Variants in SMAD3 observed in about 807,000 individuals in gnomAD.
SMAD3 encodes SMAD family member 3.
SMAD3 carries 12 observed loss-of-function variants against 51.8 expected under a neutral mutation model. That is an observed-to-expected ratio of 0.23 (90% CI 0.15 to 0.38). The LOEUF (loss-of-function observed/expected upper bound fraction) is 0.38. Ranked by LOEUF, SMAD3 falls within the 10% of genes least tolerant of loss-of-function variation. The pLI is 1.00. For synonymous variants in SMAD3, 238 were observed against 227.7 expected, an observed-to-expected ratio of 1.05 and a Z score of -0.41; for missense variants, 294 against 565.6, an observed-to-expected ratio of 0.52 and a Z score of 4.87.
intron 1 of SMAD3, among the ~76,000 whole-genome samples, chr15:67,084,879 A>G (rs1368877437): frequency 2.6e-4 from 39 of 152,360 alleles, no homozygotes; most frequent in Admixed American, 2.3e-3. Flanking sequence ...GAAACCAACA[A>G]TCAGCTCTCT....
chr15:67,129,938 T>G (rs1473448830), intron 1 of SMAD3, among the ~76,000 whole-genome samples: 1 of 152,224 alleles, frequency 6.6e-6, no homozygotes, highest in Non-Finnish European at 1.5e-5. Flanking sequence ...GCTACAGGAT[T>G]TCTTCGTTAG....
intron 1 of SMAD3, chr15:67,142,854 T>C (rs1230997517): frequency 6.6e-6 from 3 of 454,934 alleles, no homozygotes; most frequent in East Asian, 1.4e-4. Flanking sequence ...CATGTAGAGC[T>C]GGAACACAGG....
chr15:67,066,422 C>T (rs1011047487), intron 1 of SMAD3, 62 bp downstream of exon 1: 1 of 1,370,318 alleles, frequency 7.3e-7, no homozygotes, highest in Non-Finnish European at 1.0e-6. Flanking sequence ...CACTGCGGGG[C>T]CGACCCAGTG....
At chr15:67,144,639 A>G (rs1357038446) in intron 1 of SMAD3, among the ~76,000 whole-genome samples, 2 of 152,194 alleles carry the variant, frequency 1.3e-5, no homozygotes, top group African/African-American at 4.8e-5. Context: ...TGATGTGTTC[A>G]GGAGGGCCTA....
chr15:67,122,708 A>G (rs1194038057), intron 1 of SMAD3, among the ~76,000 whole-genome samples: 3 of 152,080 alleles, frequency 2.0e-5, no homozygotes, highest in Admixed American at 6.6e-5. Context: ...TCACAGAGCA[A>G]TGATGTTCCC....
chr15:67,125,414 C>G (rs1961361040), intron 1 of SMAD3, among the ~76,000 whole-genome samples: 1 of 152,202 alleles, frequency 6.6e-6, no homozygotes, highest in African/African-American at 2.4e-5. Flanking sequence ...TTCTCCAGTC[C>G]CAGTGAATGC....
Position 67,066,080 on chromosome 15 carries a change from C to G in SMAD3, c.-75C>G, listed in dbSNP as rs1959906362. 3.4e-6 allele frequency: 4 copies of G among 1,182,492 alleles called. No homozygotes were observed. Among genetic ancestry groups the G allele is most frequent in the Non-Finnish European group, 4.7e-6 (4 of 842,290 alleles). The allele number at this position is 1,182,492 out of a possible 1,614,324, so 73.2% of individuals were successfully genotyped here. A position where few individuals can be genotyped will look rare whatever the true frequency, so the allele number is the denominator to read the frequency against. On this transcript the variant is annotated 5_prime_UTR_variant, in exon 1 of 9. Transcript: ENST00000327367. ...CGCGGCAGGCCCCGGCCGAGCTCCC[C>G]TCTGCGCCCCCGGCGTCCCGTCGAG...
At chr15:67,080,990 G>A (rs916917732) in intron 1 of SMAD3, among the ~76,000 whole-genome samples, 1 of 152,198 alleles carries the variant, frequency 6.6e-6, no homozygotes, top group African/African-American at 2.4e-5. Flanking sequence ...AGGCCATGTC[G>A]GGTGAGCTCC....
At chr15:67,119,666 T>C (rs916884282) in intron 1 of SMAD3, among the ~76,000 whole-genome samples, 1 of 152,222 alleles carries the variant, frequency 6.6e-6, no homozygotes, top group African/African-American at 2.4e-5. Context: ...TGAATTATTT[T>C]GTAAGAAGCT....
chr15:67,187,605 C>G (rs1413196279), intron 8 of SMAD3, 96 bp downstream of exon 8: 6 of 1,487,076 alleles, frequency 4.0e-6, no homozygotes, highest in Non-Finnish European at 5.6e-6. Context: ...CTAGGCCAGC[C>G]CTAGCGTCAA....
intron 5 of SMAD3, among the ~76,000 whole-genome samples, chr15:67,179,354 T>C (rs1962990337): frequency 6.6e-6 from 1 of 152,180 alleles, no homozygotes; most frequent in African/African-American, 2.4e-5. Context: ...TGTATACTAC[T>C]AGCACCTAGT....
chr15:67,090,385 G>A (rs1960485167), intron 1 of SMAD3, among the ~76,000 whole-genome samples: 3 of 152,218 alleles, frequency 2.0e-5, no homozygotes, highest in Non-Finnish European at 2.9e-5. Context: ...CTGTGAAAGA[G>A]TCCCCTGCCA....
At chr15:67,112,063 C>G (rs992501456) in intron 1 of SMAD3, among the ~76,000 whole-genome samples, 2 of 151,650 alleles carry the variant, frequency 1.3e-5, no homozygotes, top group African/African-American at 4.8e-5. Context: ...GTTGGGATTA[C>G]GGGCATAGCC....
At chr15:67,092,423 T>A (rs1960526505) in intron 1 of SMAD3, among the ~76,000 whole-genome samples, 1 of 152,240 alleles carries the variant, frequency 6.6e-6, no homozygotes, top group South Asian at 2.1e-4. Context: ...GTTCTCAAAG[T>A]GTGGCCCTGG....
intron 1 of SMAD3, among the ~76,000 whole-genome samples, chr15:67,119,527 A>T (rs1239747541): frequency 6.6e-6 from 1 of 152,160 alleles, no homozygotes; most frequent in East Asian, 1.9e-4. Flanking sequence ...GAGCGCATGG[A>T]GTGCTTTCAG....
At position 67,093,218 on chromosome 15, in the gene SMAD3, C is replaced by A. The variant is rs549193644; in HGVS notation, c.206+26858C>A. On this transcript the variant is annotated intron_variant, in intron 1 of 8. Transcript: ENST00000327367. ...GTGTATTCCGGGGCATATCCTTAAC[C>A]TCTCTGAGATGTACTTTTCTTATCT... is the stretch of plus-strand genomic sequence containing the variant. Among the ~76,000 whole-genome samples the A allele has an allele frequency of 1.3e-4, 20 of 152,330 alleles. No homozygotes were observed. In the East Asian group the frequency reaches 3.9e-3, roughly 29 times the overall value.
chr15:67,146,414 G>A (rs536992855), intron 1 of SMAD3, among the ~76,000 whole-genome samples: 2 of 152,330 alleles, frequency 1.3e-5, no homozygotes, highest in Admixed American at 1.3e-4. Context: ...GACTTTGAAG[G>A]TTATAGACCC....
chr15:67,184,508 T>C (rs1000484164), intron 6 of SMAD3, among the ~76,000 whole-genome samples: 2 of 152,202 alleles, frequency 1.3e-5, no homozygotes, highest in Non-Finnish European at 2.9e-5. Context: ...ACCTATCCTG[T>C]GTGCCCATCT....
chr15:67,154,220 G>A (rs1478684774), intron 1 of SMAD3, among the ~76,000 whole-genome samples: 1 of 152,186 alleles, frequency 6.6e-6, no homozygotes, highest in Non-Finnish European at 1.5e-5. Flanking sequence ...GATGGCATAG[G>A]GGGCTGCAGC....
Sources: allele counts gnomAD v4.1 joint callset (sites outside exome capture counted in the v4.1 genomes callset), GRCh38; gene constraint gnomAD v4.1.1; transcripts MANE v1.5; gene names NCBI Gene and HGNC (gene_info 2026-07-23, HGNC 2026-07-21).